The following CRACR2A variants were observed in gnomAD, a reference collection of about 807,000 sequenced individuals.
The protein encoded by CRACR2A is EF-hand calcium-binding domain-containing protein 4B.
A neutral mutation model predicts 90.5 loss-of-function variants in CRACR2A; 79 were observed. The ratio of observed to expected loss-of-function variants is 0.87; its 90% CI spans 0.73 to 1.05. The LOEUF (loss-of-function observed/expected upper bound fraction) is 1.05, where lower values mean the gene tolerates loss of function less well. CRACR2A is among the 50% of genes least tolerant of loss of function. CRACR2A has a pLI of 0.00. For missense variants in CRACR2A, 823 were observed against 897.2 expected, an observed-to-expected ratio of 0.92 and a Z score of 1.06; for synonymous variants, 338 against 356.7, an observed-to-expected ratio of 0.95 and a Z score of 0.59.
chr12:3,648,514 C>T (rs765872014), intron 11 of CRACR2A, 28 bp downstream of exon 11: 1 of 1,614,110 alleles, frequency 6.2e-7, no homozygotes, highest in Admixed American at 1.7e-5. Flanking sequence ...GAGGTGCTCT[C>T]AGCACAGGCC....
At chr12:3,619,451 C>A in intron 17 of CRACR2A, 79 bp from the exon 18 acceptor site, 1 of 1,091,988 alleles carries the variant, frequency 9.2e-7, no homozygotes, top group Non-Finnish European at 1.4e-6. Context: ...GCCGGCTGGA[C>A]AGATGGGACC....
intron 4 of CRACR2A, among the ~76,000 whole-genome samples, chr12:3,681,314 A>G (rs758176527): frequency 1.3e-5 from 2 of 152,174 alleles, no homozygotes; most frequent in Non-Finnish European, 2.9e-5. Flanking sequence ...AGGCCCCAAG[A>G]GTATTTGTGT....
chr12:3,683,855 T>A (rs1005265331), intron 4 of CRACR2A, among the ~76,000 whole-genome samples: 4 of 152,200 alleles, frequency 2.6e-5, no homozygotes, highest in Admixed American at 2.6e-4. Flanking sequence ...AGCTCCTATG[T>A]ACAGAGTGCT....
chr12:3,641,868 A>G, intron 12 of CRACR2A, 30 bp from the exon 13 acceptor site: 1 of 1,543,914 alleles, frequency 6.5e-7, no homozygotes, highest in Non-Finnish European at 8.8e-7. Context: ...CCTCAGATCC[A>G]TGCCTATTTG....
chr12:3,710,477 C>T (rs1195801248), intron 3 of CRACR2A, among the ~76,000 whole-genome samples: 2 of 152,050 alleles, frequency 1.3e-5, no homozygotes, highest in Non-Finnish European at 2.9e-5. Flanking sequence ...TGCAACTTCT[C>T]ACAGTGTTCT....
intron 12 of CRACR2A, among the ~76,000 whole-genome samples, chr12:3,642,621 G>A (rs926006346): frequency 1.3e-5 from 2 of 152,212 alleles, no homozygotes; most frequent in African/African-American, 4.8e-5. Flanking sequence ...AGCCTCAGAT[G>A]TAATGAGAAA....
At chr12:3,620,124 C>T (rs1944104593) in intron 17 of CRACR2A, among the ~76,000 whole-genome samples, 1 of 152,236 alleles carries the variant, frequency 6.6e-6, no homozygotes, top group Admixed American at 6.5e-5. Context: ...CAGCCAGGGG[C>T]CTGCTTCCCG....
At chr12:3,745,825 T>TAAAATAAAATAAAAAAAAG (rs149739964) in intron 1 of CRACR2A, among the ~76,000 whole-genome samples, 1 of 100,484 alleles carries the variant, frequency 1.0e-5, no homozygotes, top group Admixed American at 1.1e-4. Flanking sequence ...TAAAATAAAA[T>TAAAATAAAATAAAAAAAAG]AAAGAAAGAA....
chr12:3,619,439 A>G, intron 17 of CRACR2A, 67 bp from the exon 18 acceptor site: 2 of 1,303,282 alleles, frequency 1.5e-6, no homozygotes, highest in Non-Finnish European at 2.2e-6. Context: ...CAGGCTAACA[A>G]TGCCGGCTGG....
intron 7 of CRACR2A, among the ~76,000 whole-genome samples, chr12:3,660,527 T>C (rs764618920): frequency 6.6e-6 from 1 of 152,038 alleles, no homozygotes; most frequent in Non-Finnish European, 1.5e-5. Flanking sequence ...ACAAGTTTTG[T>C]AGGTCATCCC....
In CRACR2A at chr12:3,746,081, G is replaced by A. The variant is rs1239849915; in HGVS notation, c.-387+6934C>T. Among the ~76,000 whole-genome samples, 1 of 152,114 alleles carries A rather than the reference G, an allele frequency of 6.6e-6. No individual in the cohort carries two copies. Among genetic ancestry groups the A allele is most frequent in the Non-Finnish European group, 1.5e-5 (1 of 68,022 alleles). On this transcript the variant is annotated intron_variant, in intron 1 of 19. Coordinates refer to ENST00000440314, the MANE Select transcript of CRACR2A (RefSeq NM_001144958.2). The surrounding 1 kb of genome is among the most constrained non-coding windows in gnomAD (Gnocchi z 4.4). ...CTTCCCAGCCTGGGCTGTACTTCTA[G>A]GTGCAGCTCAAATCCTACCTCCTCT...
chr12:3,671,686 T>C (rs1369429803), intron 7 of CRACR2A, among the ~76,000 whole-genome samples: 1 of 152,206 alleles, frequency 6.6e-6, no homozygotes, highest in African/African-American at 2.4e-5. Flanking sequence ...ACTTAGCCTC[T>C]GATTATATTC....
At chr12:3,729,091 G>C (rs567725813) in intron 2 of CRACR2A, 1 of 152,340 alleles carries the variant, frequency 6.6e-6, no homozygotes, top group South Asian at 2.1e-4. Flanking sequence ...GCCTGAACTA[G>C]CCTCCAGGCA....
intron 10 of CRACR2A, among the ~76,000 whole-genome samples, chr12:3,653,654 C>G (rs1481180269): frequency 6.6e-6 from 1 of 152,146 alleles, no homozygotes; most frequent in Non-Finnish European, 1.5e-5. Context: ...CTACTGGGAC[C>G]ACACAGTTGA....
chr12:3,735,610 ATGGATCAGTAAAC>A (rs1946439403), intron 1 of CRACR2A, among the ~76,000 whole-genome samples: 1 of 152,198 alleles, frequency 6.6e-6, no homozygotes, highest in Non-Finnish European at 1.5e-5. Context: ...GCCCCATTTT[ATGGATCAGTAAAC>A]TGAGGCATGG....
intron 6 of CRACR2A, among the ~76,000 whole-genome samples, chr12:3,677,608 G>A (rs1945359402): frequency 6.6e-6 from 1 of 152,194 alleles, no homozygotes. Context: ...AGGAGGAGGT[G>A]TCACACTGTC....
At chr12:3,715,127 G>A (rs557704232) in intron 2 of CRACR2A, among the ~76,000 whole-genome samples, 8 of 152,310 alleles carry the variant, frequency 5.3e-5, no homozygotes, top group Admixed American at 1.3e-4. Flanking sequence ...CCCCTACCAG[G>A]TTCCAGGCAC....
intron 4 of CRACR2A, among the ~76,000 whole-genome samples, chr12:3,689,276 T>C (rs1945614718): frequency 6.6e-6 from 1 of 152,232 alleles, no homozygotes; most frequent in African/African-American, 2.4e-5. Context: ...GTGCTGGTTT[T>C]CAAGGGGAAT....
At position 3,633,696 on chromosome 12, in the gene CRACR2A, A is replaced by G. The variant is rs1286550827; in HGVS notation, c.1643T>C (p.Ile548Thr). ...SPSAPDRLFKIVFVGNSAVGK... is the reference protein window; with the variant it reads ...SPSAPDRLFKTVFVGNSAVGK... ...CACCGCGGAATTGCCCACGAACACA[A>G]TCTTGAAGAGCCGGTCAGGGGCAGA... Residue 548 changes from isoleucine (I) to threonine (T), a missense_variant, in exon 15 of 20, where the codon ATT (isoleucine) becomes ACT (threonine). Physicochemically the swap from Ile to Thr is moderately conservative, Grantham distance 89. Transcript: ENST00000440314. The surrounding 1 kb of genome is among the most constrained non-coding windows in gnomAD (Gnocchi z 4.5). 4 of 1,551,490 alleles carry G rather than the reference A, an allele frequency of 2.6e-6. No homozygotes were observed. The highest frequency in any genetic ancestry group is 2.6e-6 in the Non-Finnish European group (3 of 1,146,978).
Sources: gnomAD v4.1 joint callset for allele counts (sites outside exome capture counted in the v4.1 genomes callset) on GRCh38, gnomAD v4.1.1 for gene constraint, Gnocchi (gnomAD v3.1) non-coding constraint, MANE v1.5 for transcripts, NCBI Gene and HGNC (gene_info 2026-07-23, HGNC 2026-07-21) for gene names.